Variants in PTPRE observed in about 807,000 individuals in gnomAD.
PTPRE encodes protein tyrosine phosphatase receptor type E, also known as receptor-type tyrosine-protein phosphatase epsilon.
In PTPRE, 51 loss-of-function variants were observed where a neutral mutation model predicts 102.0. The observed-to-expected ratio is 0.50, with a 90% CI of 0.40 to 0.63. PTPRE has a LOEUF of 0.63. PTPRE is among the 30% of genes least tolerant of loss of function. The pLI, the probability that PTPRE is intolerant of heterozygous loss-of-function variation, is 0.00. For synonymous variants in PTPRE, 345 were observed against 348.2 expected (o/e 0.99, Z 0.10); for missense variants, 752 against 915.1 (o/e 0.82, Z 2.30).
chr10:127,916,018 T>C (rs1846182719), intron 1 of PTPRE, among the ~76,000 whole-genome samples: 1 of 148,084 alleles, frequency 6.8e-6, no homozygotes, highest in Admixed American at 6.8e-5. Flanking sequence ...AAAGGCACGA[T>C]GGCTTGTGAC....
intron 1 of PTPRE, among the ~76,000 whole-genome samples, chr10:127,977,803 C>G (rs1589884885): frequency 2.0e-5 from 3 of 152,222 alleles, no homozygotes; most frequent in African/African-American, 7.2e-5. Flanking sequence ...GCCCCTGCCC[C>G]CCTTCCTAAG....
intron 11 of PTPRE, 78 bp from the exon 12 acceptor site, chr10:128,068,045 G>T: frequency 1.3e-6 from 2 of 1,500,094 alleles, no homozygotes. Context: ...AGCCCACGGC[G>T]GCGTCCTCAG....
intron 3 of PTPRE, among the ~76,000 whole-genome samples, chr10:128,041,618 T>A (rs61262943): frequency 0.024 from 3,157 of 132,348 alleles, 140 homozygotes; most frequent in African/African-American, 0.088. Flanking sequence ...ACTGCACTCT[T>A]GCCTGGCAAC....
At chr10:128,054,866 C>G (rs1394524053) in intron 6 of PTPRE, among the ~76,000 whole-genome samples, 1 of 152,152 alleles carries the variant, frequency 6.6e-6, no homozygotes, top group African/African-American at 2.4e-5. Flanking sequence ...CTCTGCTCTC[C>G]TGGGTAGTTG....
intron 11 of PTPRE, among the ~76,000 whole-genome samples, chr10:128,067,281 C>T (rs1328294107): frequency 6.6e-6 from 1 of 151,184 alleles, no homozygotes; most frequent in African/African-American, 2.4e-5. Context: ...CACACACACG[C>T]ACCCACACAC....
chr10:127,921,176 G>A lies in PTPRE; in HGVS notation c.-31+13867G>A, dbSNP rs964523426. Among the ~76,000 whole-genome samples the A allele has an allele frequency of 3.9e-5, 6 of 152,364 alleles. No homozygotes were observed. In the East Asian group the frequency reaches 1.2e-3, roughly 29 times the overall value. ...TAATACCAGCGATCACTGGTGTTGA[G>A]GGTGCACTTGCTGAGTGCCAGCCAG... On this transcript the variant is annotated intron_variant, in intron 1 of 20. Coordinates refer to ENST00000254667, the MANE Select transcript of PTPRE (RefSeq NM_006504.6).
At chr10:128,033,898 G>A (rs1846987232) in intron 2 of PTPRE, among the ~76,000 whole-genome samples, 1 of 152,180 alleles carries the variant, frequency 6.6e-6, no homozygotes, top group Non-Finnish European at 1.5e-5. Context: ...GCCTGCCTCG[G>A]CCTCCCAAAA....
chr10:127,931,738 G>GT (rs549719697), intron 1 of PTPRE, among the ~76,000 whole-genome samples: 5 of 152,164 alleles, frequency 3.3e-5, no homozygotes, highest in African/African-American at 9.7e-5. Flanking sequence ...GGAATTAGGA[G>GT]TTTTTTTCTT....
chr10:128,002,123 G>A (rs1178201120), intron 2 of PTPRE, among the ~76,000 whole-genome samples: 1 of 152,194 alleles, frequency 6.6e-6, no homozygotes, highest in Non-Finnish European at 1.5e-5. Flanking sequence ...GACCTCCGGG[G>A]CAGCCACGGT....
chr10:127,994,652 G>T (rs1469130971), intron 2 of PTPRE, among the ~76,000 whole-genome samples: 1 of 152,208 alleles, frequency 6.6e-6, no homozygotes, highest in East Asian at 1.9e-4. Flanking sequence ...AATTTTCAGT[G>T]ATTTTTCTCT....
intron 1 of PTPRE, among the ~76,000 whole-genome samples, chr10:127,972,271 G>A (rs1006114115): frequency 6.6e-6 from 1 of 152,192 alleles, no homozygotes; most frequent in Admixed American, 6.5e-5. Flanking sequence ...AGGGCCCAGG[G>A]TTTTCCTAAT....
At chr10:127,955,401 A>G (rs908970288) in intron 1 of PTPRE, among the ~76,000 whole-genome samples, 2 of 152,216 alleles carry the variant, frequency 1.3e-5, no homozygotes, top group Admixed American at 1.3e-4. Context: ...GTAGTAGAAG[A>G]CGGCAGTTTA....
Position 128,007,382 on chromosome 10 carries a change from C to G in PTPRE, c.-8+25086C>G, listed in dbSNP as rs143174015. Among the ~76,000 whole-genome samples the G allele has an allele frequency of 5.4e-4, 83 of 152,326 alleles. No homozygotes were observed. The East Asian group carries it at 0.014, about 25-fold the overall frequency. On this transcript the variant is annotated intron_variant, in intron 2 of 20. Coordinates refer to ENST00000254667, the MANE Select transcript of PTPRE (RefSeq NM_006504.6). The stretch of plus-strand genomic sequence containing the variant: ...TCTGAGTGGAGATGTTTAGAATCCA[C>G]AAACCACACAGTATTAACCTCTGTT...
chr10:127,987,130 A>C (rs1808768915), intron 2 of PTPRE: 1 of 163,514 alleles, frequency 6.1e-6, no homozygotes, highest in Non-Finnish European at 1.3e-5. Flanking sequence ...GAAAGTTTCC[A>C]CATTCTTTCA....
intron 1 of PTPRE, among the ~76,000 whole-genome samples, chr10:127,961,591 C>T (rs1238807334): frequency 6.6e-6 from 1 of 152,140 alleles, no homozygotes; most frequent in Non-Finnish European, 1.5e-5. Flanking sequence ...CAAGGGTGGG[C>T]CCCGCCTTAG....
At position 128,070,321 on chromosome 10, in the gene PTPRE, C is replaced by T; in HGVS notation, c.1164C>T (p.Tyr388=). 1.2e-6 allele frequency: 2 copies of T among 1,612,762 alleles called. No homozygotes were observed. Among genetic ancestry groups the T allele is most frequent in the Non-Finnish European group, 1.7e-6 (2 of 1,179,350 alleles). ...VQTDMQYTFI[Y]QALLEYYLYG... ...TGCAGATGCAGTACACGTTCATCTA[C>T]CAAGCCTTACTCGAGTACTACCTCT... Residue 388 remains tyrosine, a synonymous_variant, in exon 14 of 21, where the codon TAC becomes TAT. Transcript: ENST00000254667. This position sits in a 1 kb window ranked among gnomAD's most constrained non-coding sequence, Gnocchi z 4.8.
chr10:127,964,794 C>T (rs1850112486), intron 1 of PTPRE: 1 of 247,300 alleles, frequency 4.0e-6, no homozygotes, highest in Non-Finnish European at 8.2e-6. Context: ...AATCTCTCTG[C>T]ACCAGTGAAT....
At chr10:128,031,352 G>C (rs1019190405) in intron 2 of PTPRE, among the ~76,000 whole-genome samples, 1 of 152,220 alleles carries the variant, frequency 6.6e-6, no homozygotes, top group Non-Finnish European at 1.5e-5. Context: ...GCTCCGTGGA[G>C]GGGCTGCAGG....
chr10:128,075,491 T>C (rs1851147112), intron 17 of PTPRE, among the ~76,000 whole-genome samples: 1 of 152,020 alleles, frequency 6.6e-6, no homozygotes, highest in Non-Finnish European at 1.5e-5. Flanking sequence ...CCTCCCTGTG[T>C]CCTTGTGTTC....
Sources: gnomAD v4.1 joint callset for allele counts (sites outside exome capture counted in the v4.1 genomes callset) on GRCh38, gnomAD v4.1.1 for gene constraint, Gnocchi (gnomAD v3.1) non-coding constraint, MANE v1.5 for transcripts, NCBI Gene and HGNC (gene_info 2026-07-23, HGNC 2026-07-21) for gene names.